CPEB3: variants seen among roughly 807,000 people sequenced by gnomAD.
CPEB3 encodes cytoplasmic polyadenylation element binding protein 3.
A neutral mutation model predicts 67.2 loss-of-function variants in CPEB3; 20 were observed. The ratio of observed to expected loss-of-function variants is 0.30; its 90% confidence interval spans 0.21 to 0.43. CPEB3 has a LOEUF of 0.43. Among genes scored for constraint, CPEB3 ranks in the 20% least tolerant of loss-of-function variants. The pLI is 1.00. For missense variants in CPEB3, 746 were observed against 968.6 expected, an observed-to-expected ratio of 0.77 and a Z score of 3.05; for synonymous variants, 376 against 393.1, an observed-to-expected ratio of 0.96 and a Z score of 0.51.
At chr10:92,235,496 T>C (rs942936338) in intron 2 of CPEB3, among the ~76,000 whole-genome samples, 3 of 152,164 alleles carry the variant, frequency 2.0e-5, no homozygotes, top group Admixed American at 6.5e-5. Context: ...GCAAAGCCTA[T>C]GGTCACCATT....
At chr10:92,290,723 T>C (rs569104437) in intron 1 of CPEB3, among the ~76,000 whole-genome samples, 6 of 152,270 alleles carry the variant, frequency 3.9e-5, no homozygotes, top group African/African-American at 1.4e-4. Context: ...AAATGGGCTC[T>C]GCCGCAGGAG....
intron 2 of CPEB3, among the ~76,000 whole-genome samples, chr10:92,201,199 T>C (rs1206543768): frequency 2.0e-5 from 3 of 151,884 alleles, no homozygotes; most frequent in African/African-American, 7.3e-5. Flanking sequence ...GGGAAAGCAA[T>C]GACTATGACG....
intron 2 of CPEB3, among the ~76,000 whole-genome samples, chr10:92,195,561 T>G (rs1435511057): frequency 6.6e-6 from 1 of 152,136 alleles, no homozygotes; most frequent in Non-Finnish European, 1.5e-5. Flanking sequence ...TGATAACCTA[T>G]TTCTGGCACT....
intron 2 of CPEB3, among the ~76,000 whole-genome samples, chr10:92,233,244 G>C (rs1851359350): frequency 6.6e-6 from 1 of 151,988 alleles, no homozygotes; most frequent in Admixed American, 6.6e-5. Flanking sequence ...AAAAGAAAGT[G>C]GGGGCCAGAT....
chr10:92,266,631 G>A (rs1853069898), intron 1 of CPEB3, among the ~76,000 whole-genome samples: 1 of 151,998 alleles, frequency 6.6e-6, no homozygotes, highest in African/African-American at 2.4e-5. Flanking sequence ...GAGGGGGAAG[G>A]AAAAGGATGG....
At chr10:92,114,044 T>C (rs928156294) in intron 6 of CPEB3, among the ~76,000 whole-genome samples, 2 of 152,184 alleles carry the variant, frequency 1.3e-5, no homozygotes, top group Non-Finnish European at 2.9e-5. Context: ...AAGCTGCCAT[T>C]TTCTGTAATG....
rs193113052 is a variant in CPEB3 at position 92,224,724 on chromosome 10, T to C, written c.1005+14622A>G. On this transcript the variant is annotated intron_variant, in intron 2 of 9. Transcript: ENST00000265997. ...AGCTGGGCATGGTGGTATGCGCCTG[T>C]AGTCCTAGCTACCAGGAAGGCTGAG... Among the ~76,000 whole-genome samples the C allele has an allele frequency of 3.9e-5, 6 of 151,928 alleles. No individual in the cohort carries two copies. In the East Asian group the frequency reaches 7.8e-4, roughly 20 times the overall value.
chr10:92,158,361 T>C (rs1485520199), intron 4 of CPEB3, among the ~76,000 whole-genome samples: 1 of 152,214 alleles, frequency 6.6e-6, no homozygotes, highest in African/African-American at 2.4e-5. Flanking sequence ...GCCTATTATC[T>C]ATATCAGACA....
At chr10:92,203,672 T>A (rs1849645214) in intron 2 of CPEB3, among the ~76,000 whole-genome samples, 1 of 151,938 alleles carries the variant, frequency 6.6e-6, no homozygotes, top group Non-Finnish European at 1.5e-5. Context: ...CCCAAAGTGC[T>A]TGGCCTCCCA....
chr10:92,095,010 T>C (rs1194238974), intron 7 of CPEB3, among the ~76,000 whole-genome samples: 6 of 152,216 alleles, frequency 3.9e-5, no homozygotes, highest in Admixed American at 1.3e-4. Context: ...TAGTATCCAA[T>C]GGTCTGCTTT....
At chr10:92,228,123 G>C (rs1851077678) in intron 2 of CPEB3, among the ~76,000 whole-genome samples, 1 of 150,332 alleles carries the variant, frequency 6.7e-6, no homozygotes, top group Non-Finnish European at 1.5e-5. Flanking sequence ...CCTGACCTCA[G>C]GTGATCTGCC....
In CPEB3 at chr10:92,239,293, G is replaced by A; in HGVS notation, c.1005+53C>T. ...GTGGATGATTAAAAGTCAGAGAAGT[G>A]GCAAAAGGAGCGGGGCAGAGGGAAG... On this transcript the variant is annotated intron_variant, in intron 2 of 9. Transcript: ENST00000265997. The surrounding 1 kb of genome is among the most constrained non-coding windows in gnomAD (Gnocchi z 6.0). 2 of 1,553,896 alleles carry A rather than the reference G, an allele frequency of 1.3e-6. No individual in the cohort carries two copies. The highest frequency in any genetic ancestry group is 2.3e-4 in the Middle Eastern group (1 of 4,408).
intron 1 of CPEB3, among the ~76,000 whole-genome samples, chr10:92,288,448 C>G (rs941894164): frequency 1.6e-5 from 2 of 122,910 alleles, no homozygotes; most frequent in African/African-American, 6.0e-5. Flanking sequence ...AAGCGAGACT[C>G]TGTCTCAAAA....
intron 4 of CPEB3, among the ~76,000 whole-genome samples, chr10:92,148,353 A>G (rs1034731996): frequency 1.3e-5 from 2 of 152,106 alleles, no homozygotes; most frequent in Non-Finnish European, 2.9e-5. Flanking sequence ...AAACAAACAT[A>G]CCCTTTTCAA....
At position 92,048,827 on chromosome 10, in the gene CPEB3, C is replaced by G. The variant is rs962029591; in HGVS notation, c.*3385G>C. The G allele has an allele frequency of 6.6e-6, 1 of 152,236 alleles. No individual in the cohort carries two copies. The highest frequency in any genetic ancestry group is 2.4e-5 in the African/African-American group (1 of 41,310). The allele number at this position is 152,236 out of a possible 1,614,324, so 9.4% of individuals were successfully genotyped here. The stretch of plus-strand genomic sequence containing the variant: ...ACAAAGGTTTTAGCTTCAAAAATAA[C>G]TGAAAATGAAAAAAATAAACTTTTA... On this transcript the variant is annotated 3_prime_UTR_variant, in exon 10 of 10. Coordinates refer to ENST00000265997, the MANE Select transcript of CPEB3 (RefSeq NM_014912.5). The surrounding 1 kb of genome is among the most constrained non-coding windows in gnomAD (Gnocchi z 4.1).
intron 9 of CPEB3, among the ~76,000 whole-genome samples, chr10:92,057,679 A>G (rs1842165614): frequency 6.6e-6 from 1 of 152,232 alleles, no homozygotes; most frequent in Non-Finnish European, 1.5e-5. Flanking sequence ...GGTCGGACAC[A>G]GCACAGTCAG....
At chr10:92,230,805 G>C (rs534113724) in intron 2 of CPEB3, among the ~76,000 whole-genome samples, 4 of 152,252 alleles carry the variant, frequency 2.6e-5, no homozygotes, top group Non-Finnish European at 4.4e-5. Flanking sequence ...TGCAAGTACA[G>C]CAACCTTCCC....
At chr10:92,204,957 A>G (rs1034562444) in intron 2 of CPEB3, among the ~76,000 whole-genome samples, 2 of 149,038 alleles carry the variant, frequency 1.3e-5, no homozygotes, top group African/African-American at 5.0e-5. Context: ...TCTTTGCCTC[A>G]GCCTCCCGAG....
chr10:92,055,141 T>C (rs976952471), intron 9 of CPEB3, among the ~76,000 whole-genome samples: 7 of 152,212 alleles, frequency 4.6e-5, no homozygotes, highest in Non-Finnish European at 8.8e-5. Context: ...AACAAACATA[T>C]GTAAGGTCAT....
Sources: gnomAD v4.1 joint callset for allele counts (sites outside exome capture counted in the v4.1 genomes callset) on GRCh38, gnomAD v4.1.1 for gene constraint, Gnocchi (gnomAD v3.1) non-coding constraint, MANE v1.5 for transcripts, NCBI Gene and HGNC (gene_info 2026-07-23, HGNC 2026-07-21) for gene names.